The following UBP1 variants were observed in gnomAD, a reference collection of about 807,000 sequenced individuals.
UBP1 encodes upstream-binding protein 1.
UBP1 carries 22 observed loss-of-function variants against 76.1 expected under a neutral mutation model. The observed-to-expected ratio is 0.29, with a 90% confidence interval of 0.21 to 0.41. The LOEUF (loss-of-function observed/expected upper bound fraction) is 0.41. UBP1 is among the 10% of genes least tolerant of loss of function. The pLI is 1.00. For missense variants in UBP1, 436 were observed against 668.1 expected, an observed-to-expected ratio of 0.65 and a Z score of 3.83; for synonymous variants, 224 against 237.1, an observed-to-expected ratio of 0.94 and a Z score of 0.51.
Position 33,393,347 on chromosome 3 carries a change from CCT to C in UBP1, c.1496_1497del (p.Gln499ArgfsTer10). The C allele has an allele frequency of 6.2e-7, 1 of 1,609,938 alleles. No homozygotes were observed. Among genetic ancestry groups the C allele is most frequent in the Non-Finnish European group, 8.5e-7 (1 of 1,178,176 alleles). Reference protein sequence around the residue: ...PLHQINQVYRQGPTGIHILVS... With the variant: ...PLHQINQVYRXGPTGIHILVS... ...ACAAGAATGTGAATACCGGTGGGAC[CCT>C]GTCTGTAAACCTGATTAATTTGGTG... On this transcript the variant is annotated frameshift_variant, in exon 14 of 16. Transcript: ENST00000283629. LOFTEE classifies it high-confidence loss of function.
chr3:33,395,889 G>T (rs1309743994), intron 13 of UBP1, among the ~76,000 whole-genome samples: 1 of 146,958 alleles, frequency 6.8e-6, no homozygotes, highest in South Asian at 2.1e-4. Flanking sequence ...ATTCAAGCTA[G>T]TTTTTCCACT....
intron 1 of UBP1, among the ~76,000 whole-genome samples, chr3:33,425,952 C>A (rs2045003425): frequency 1.4e-5 from 2 of 140,304 alleles, no homozygotes; most frequent in South Asian, 4.5e-4. Flanking sequence ...TTAACAACCC[C>A]TATCTCGGGG....
intron 11 of UBP1, among the ~76,000 whole-genome samples, chr3:33,399,954 G>GT (rs150854235): frequency 0.013 from 2,014 of 152,260 alleles, 18 homozygotes; most frequent in South Asian, 0.026. Context: ...ATGAGGTCAC[G>GT]TAAGTCTGGT....
At chr3:33,424,267 C>A (rs1385572030) in intron 2 of UBP1, among the ~76,000 whole-genome samples, 1 of 152,178 alleles carries the variant, frequency 6.6e-6, no homozygotes, top group Non-Finnish European at 1.5e-5. Flanking sequence ...GGAATTGTCA[C>A]AAGTGCCAGA....
At chr3:33,398,444 G>C (rs1413588233) in intron 11 of UBP1, 1 of 152,228 alleles carries the variant, frequency 6.6e-6, no homozygotes, top group Non-Finnish European at 1.5e-5. Flanking sequence ...TGTGACCAGA[G>C]AGTACTGTGT....
chr3:33,412,485 A>C (rs1454162905), intron 4 of UBP1, among the ~76,000 whole-genome samples: 1 of 151,960 alleles, frequency 6.6e-6, no homozygotes, highest in East Asian at 1.9e-4. Flanking sequence ...TGGGAGGCTA[A>C]GGCAGGAAAA....
rs897060017 is a variant in UBP1, at chr3:33,413,019, A to G, written c.343-192T>C. On this transcript the variant is annotated intron_variant, in intron 3 of 15. Transcript: ENST00000283629. ...GTACAATTATTTGGTGCAAAGAATTATAACTCAAAAACTAAAATTATAAAT... is the reference window on the plus strand; with the variant it reads ...GTACAATTATTTGGTGCAAAGAATTGTAACTCAAAAACTAAAATTATAAAT... 1.1e-4 allele frequency among the ~76,000 whole-genome samples: 17 copies of G among 152,354 alleles called. No homozygotes were observed. In the East Asian group the frequency reaches 2.3e-3, roughly 21 times the overall value.
chr3:33,418,293 G>A (rs915529943), intron 2 of UBP1, among the ~76,000 whole-genome samples: 4 of 151,804 alleles, frequency 2.6e-5, no homozygotes, highest in African/African-American at 7.3e-5. Flanking sequence ...TCGTTCTGTC[G>A]CCCAGGCTGG....
intron 13 of UBP1, among the ~76,000 whole-genome samples, chr3:33,394,940 A>G (rs1222480256): frequency 6.6e-6 from 1 of 151,624 alleles, no homozygotes; most frequent in Non-Finnish European, 1.5e-5. Flanking sequence ...CCTATGTATG[A>G]TCTAAAGAGA....
chr3:33,426,040 G>A (rs940230), intron 1 of UBP1, among the ~76,000 whole-genome samples: 1 of 44,882 alleles, frequency 2.2e-5, no homozygotes, highest in Admixed American at 3.8e-4. Context: ...TATATATATA[G>A]CACTTTAAAA....
intron 13 of UBP1, among the ~76,000 whole-genome samples, 197 bp from the exon 14 acceptor site, chr3:33,393,651 G>T (rs536220533): frequency 6.6e-6 from 1 of 152,200 alleles, no homozygotes; most frequent in African/African-American, 2.4e-5. Context: ...TAAAACGTAA[G>T]AATACATTAT....
intron 1 of UBP1, among the ~76,000 whole-genome samples, chr3:33,434,653 T>C (rs377218217): frequency 4.5e-4 from 68 of 150,726 alleles, no homozygotes; most frequent in African/African-American, 1.6e-3. Flanking sequence ...AGCCCGTTTT[T>C]ACACAATTAT....
chr3:33,430,996 G>A, intron 1 of UBP1, among the ~76,000 whole-genome samples: 1 of 152,022 alleles, frequency 6.6e-6, no homozygotes, highest in Non-Finnish European at 1.5e-5. Context: ...TCTATTTAAA[G>A]AAATAAAAGA....
chr3:33,393,233 G>A, intron 14 of UBP1, 79 bp downstream of exon 14: 1 of 1,392,616 alleles, frequency 7.2e-7, no homozygotes, highest in Non-Finnish European at 9.6e-7. Context: ...AGAGGTCACA[G>A]AATTTTTCTA....
At chr3:33,412,676 C>CTAAACAA (rs1269375475) in intron 4 of UBP1, 46 bp downstream of exon 4, 2 of 1,256,212 alleles carry the variant, frequency 1.6e-6, no homozygotes, top group Non-Finnish European at 2.3e-6. Flanking sequence ...CTGGCTATAG[C>CTAAACAA]TAAACAATAC....
At chr3:33,429,515 A>G (rs931285240) in intron 1 of UBP1, among the ~76,000 whole-genome samples, 5 of 152,004 alleles carry the variant, frequency 3.3e-5, no homozygotes, top group Non-Finnish European at 5.9e-5. Flanking sequence ...TTTTTAGTAG[A>G]GTGGGGTTTC....
intron 5 of UBP1, among the ~76,000 whole-genome samples, chr3:33,411,362 A>G (rs1289181716): frequency 6.6e-6 from 1 of 152,354 alleles, no homozygotes; most frequent in East Asian, 1.9e-4. Context: ...GGTAAAAATA[A>G]CATTTGAATA....
upstream of UBP1, among the ~76,000 whole-genome samples, chr3:33,441,090 C>A (rs1027927105): frequency 1.3e-5 from 2 of 152,242 alleles, no homozygotes; most frequent in Non-Finnish European, 2.9e-5. Context: ...TAAGGGCAGG[C>A]GGTCTCCTGA....
chr3:33,425,634 G>T lies in UBP1; in HGVS notation c.221C>A (p.Pro74Gln), dbSNP rs1331360184. The change falls in exon 2 of 16, where the codon CCA becomes CAA. Residue 74 changes from proline to glutamine, a missense_variant. Coordinates refer to ENST00000283629, the MANE Select transcript of UBP1 (RefSeq NM_014517.5). ...FQYVMCAATS[P>Q]AVKLHDETLT... Reference sequence around the variant, plus strand: ...CGTTTCATCATGCAGTTTTACTGCTGGTGACGTTGCAGCACACATCACATA... The same window carrying T: ...CGTTTCATCATGCAGTTTTACTGCTTGTGACGTTGCAGCACACATCACATA... The T allele has an allele frequency of 6.3e-7, 1 of 1,586,854 alleles. No individual in the cohort carries two copies. The highest frequency in any genetic ancestry group is 8.6e-7 in the Non-Finnish European group (1 of 1,159,690).
Sources: allele counts gnomAD v4.1 joint callset (sites outside exome capture counted in the v4.1 genomes callset), GRCh38; gene constraint gnomAD v4.1.1; transcripts MANE v1.5; gene names NCBI Gene and HGNC (gene_info 2026-07-23, HGNC 2026-07-21).